The following TSC2 variants were observed in gnomAD, a reference collection of about 807,000 sequenced individuals.
TSC2 encodes tuberin.
TSC2 carries 29 observed loss-of-function variants against 202.2 expected under a neutral mutation model. The observed-to-expected ratio is 0.14, with a 90% CI of 0.11 to 0.20. The LOEUF (loss-of-function observed/expected upper bound fraction) is 0.20, where lower values mean the gene tolerates loss of function less well. TSC2 is among the 10% of genes least tolerant of loss of function. The pLI is 1.00. For synonymous variants in TSC2, 1,349 were observed against 1,044.0 expected (o/e 1.29, Z -5.63); for missense variants, 2,429 against 2,420.0 (o/e 1.00, Z -0.08).
At chr16:2,058,989 T>G in intron 10 of TSC2, 116 bp downstream of exon 10, 1 of 1,493,444 alleles carries the variant, frequency 6.7e-7, no homozygotes, top group Non-Finnish European at 9.0e-7. Flanking sequence ...TTCTAGGCCT[T>G]TCCAGGCAGT....
At chr16:2,083,545 G>T in intron 32 of TSC2, 150 bp from the exon 33 acceptor site, 1 of 1,373,284 alleles carries the variant, frequency 7.3e-7, no homozygotes, top group Non-Finnish European at 1.0e-6. Flanking sequence ...CTCCCTGCCC[G>T]CTCGGTGGAT....
In TSC2 at chr16:2,080,773, C is replaced by T. The variant is rs536870308; in HGVS notation, c.3610+396C>T. The T allele has an allele frequency of 8.2e-4, 192 of 234,528 alleles. 1 individual carries two copies. The highest frequency in any genetic ancestry group is 2.9e-3 in the African/African-American group (125 of 43,806). 14.5% of individuals were successfully genotyped at this position (234,528 alleles called of 1,614,324 possible). ...TGCTGGGATTACAGGCGTGAGCCAC[C>T]GCGCCCAGCCATTTGGGGGTAACTT... is the stretch of plus-strand genomic sequence containing the variant. On this transcript the variant is annotated intron_variant, in intron 30 of 41. Coordinates refer to ENST00000219476, the MANE Select transcript of TSC2 (RefSeq NM_000548.5).
chr16:2,065,459 C>T, intron 15 of TSC2, 60 bp from the exon 16 acceptor site: 3 of 927,250 alleles, frequency 3.2e-6, no homozygotes, highest in South Asian at 2.6e-5. Flanking sequence ...AGAAAGTGTT[C>T]TCACGGCTGC....
rs200194551 is a variant in TSC2 at position 2,081,590 on chromosome 16, C to T, written c.3611-5C>T. 32 of 1,612,868 alleles carry T rather than the reference C, an allele frequency of 2.0e-5. No individual in the cohort carries two copies. Among genetic ancestry groups the T allele is most frequent in the South Asian group, 1.2e-4 (11 of 91,080 alleles). ...CTCAGGCCAAAGGTGCTGCCGCCTC[C>T]GCAGGGAACACCAGCTGGCTGATGA... On this transcript the variant is annotated splice_region_variant and splice_polypyrimidine_tract_variant and intron_variant, in intron 30 of 41. Coordinates refer to ENST00000219476, the MANE Select transcript of TSC2 (RefSeq NM_000548.5).
chr16:2,056,249 G>A lies in TSC2; in HGVS notation c.648+5G>A, dbSNP rs2085796888. Reference sequence around the variant, plus strand: ...GCGTCCTCTGTGGACATAGAGGTCAGTGCCTCCCCTCCCCAGGGCCGGCCC... The same window carrying A: ...GCGTCCTCTGTGGACATAGAGGTCAATGCCTCCCCTCCCCAGGGCCGGCCC... On this transcript the variant is annotated splice_donor_5th_base_variant and intron_variant, in intron 7 of 41. Coordinates refer to ENST00000219476, the MANE Select transcript of TSC2 (RefSeq NM_000548.5). 1 of 1,614,018 alleles carries A rather than the reference G, an allele frequency of 6.2e-7. No homozygotes were observed. The highest frequency in any genetic ancestry group is 8.5e-7 in the Non-Finnish European group (1 of 1,180,032).
rs137853994 is a variant in TSC2, at chr16:2,053,391, A to T, written c.275A>T (p.Glu92Val). Residue 92 changes from glutamate (E) to valine (V), a missense_variant, in exon 4 of 42, where the codon GAG becomes GTG. Physicochemically the swap from Glu to Val is moderately radical, Grantham distance 121 (BLOSUM62 -2). Transcript: ENST00000219476. The part of the protein sequence containing the change: ...WKAVADLLQP[E>V]RPLEARHAVL... ...GCGGTCGCGGATCTGTTGCAGCCGG[A>T]GCGGCCGCTGGAGGCCCGGCACGCG... 1.3e-3 allele frequency: 2,003 copies of T among 1,592,736 alleles called. 1 individual carries two copies. Among genetic ancestry groups the T allele is most frequent in the Non-Finnish European group, 1.5e-3 (1,754 of 1,170,758 alleles).
At chr16:2,087,412 G>C (rs533123291) in intron 38 of TSC2, among the ~76,000 whole-genome samples, 1 of 152,094 alleles carries the variant, frequency 6.6e-6, no homozygotes, top group East Asian at 1.9e-4. Flanking sequence ...CAAAACCCCG[G>C]GGCTGGTAGT....
chr16:2,069,519 G>T (rs552150466), intron 16 of TSC2, among the ~76,000 whole-genome samples: 21 of 147,938 alleles, frequency 1.4e-4, no homozygotes, highest in Admixed American at 1.4e-3. Context: ...TTGCTCTGTC[G>T]CCCAGGCTGG....
In TSC2 at chr16:2,083,808, T is replaced by G. The variant is rs901222751; in HGVS notation, c.3997T>G (p.Tyr1333Asp). Reference sequence around the variant, plus strand: ...AGGCATGGACAGGCGCACGGATGCCTACAGCAGGGTGAGTGTGGCTCAGAG... The same window carrying G: ...AGGCATGGACAGGCGCACGGATGCCGACAGCAGGGTGAGTGTGGCTCAGAG... The part of the protein sequence containing the change: ...ALGMDRRTDA[Y>D]SRSSSVSSQE... The change falls in exon 33 of 42, where the codon TAC becomes GAC. Residue 1333 changes from tyrosine to aspartate, a missense_variant. Tyr to Asp is a radical substitution (Grantham distance 160). Coordinates refer to ENST00000219476, the MANE Select transcript of TSC2 (RefSeq NM_000548.5). 1.2e-6 allele frequency: 2 copies of G among 1,610,908 alleles called. No individual in the cohort carries two copies. Among genetic ancestry groups the G allele is most frequent in the African/African-American group, 2.7e-5 (2 of 74,906 alleles).
rs2089398808 is a variant in TSC2, at chr16:2,076,486, G to T, written c.2743-5G>T. 6.2e-7 allele frequency: 1 copy of T among 1,613,194 alleles called. No individual in the cohort carries two copies. Among genetic ancestry groups the T allele is most frequent in the Non-Finnish European group, 8.5e-7 (1 of 1,179,990 alleles). ...CTCACTGTCTGGGTGTGCTCACTCT[G>T]CCAGGGCCTGCGGTCCAATGTCCTC... On this transcript the variant is annotated splice_polypyrimidine_tract_variant and splice_region_variant and intron_variant, in intron 24 of 41. Transcript: ENST00000219476.
intron 1 of TSC2, chr16:2,048,301 C>T (rs1185716266): frequency 9.3e-7 from 1 of 1,072,924 alleles, no homozygotes; most frequent in South Asian, 1.3e-5. Context: ...AACGTCGGGG[C>T]TCCCAGGACT....
At chr16:2,057,264 G>C (rs2085984296) in intron 9 of TSC2, 86 bp downstream of exon 9, 1 of 1,471,662 alleles carries the variant, frequency 6.8e-7, no homozygotes, top group South Asian at 1.2e-5. Context: ...GCACACACTG[G>C]CTTAGAGAGT....
chr16:2,065,602 G>A lies in TSC2; in HGVS notation c.1683G>A (p.Lys561=), dbSNP rs2087238377. Reference sequence around the variant, plus strand: ...ACTCGGCCTCCTTGGAGGATGTGAAGACAGCCGTCCTGGGGCTTCTGGTCA... The same window carrying A: ...ACTCGGCCTCCTTGGAGGATGTGAAAACAGCCGTCCTGGGGCTTCTGGTCA... ...AAYSASLEDV[K]TAVLGLLVIL... The change falls in exon 16 of 42, where the codon AAG becomes AAA. Residue 561 remains lysine, a synonymous_variant. Coordinates refer to ENST00000219476, the MANE Select transcript of TSC2 (RefSeq NM_000548.5). 6.2e-7 allele frequency: 1 copy of A among 1,613,806 alleles called. No individual in the cohort carries two copies. The highest frequency in any genetic ancestry group is 8.5e-7 in the Non-Finnish European group (1 of 1,180,012).
At chr16:2,078,897 G>A in intron 26 of TSC2, 135 bp from the exon 27 acceptor site, 1 of 1,170,310 alleles carries the variant, frequency 8.5e-7, no homozygotes, top group Admixed American at 1.7e-5. Context: ...AGGCTCGCTG[G>A]GCCGCCCACG....
At position 2,055,419 on chromosome 16, in the gene TSC2, T is replaced by A; in HGVS notation, c.499T>A (p.Trp167Arg). ...EEELADFVLQWMDVGLSSEFL... is the reference protein window; with the variant it reads ...EEELADFVLQRMDVGLSSEFL... ...TCCCCCAGCTGACTTTGTCCTGCAGTGGATGGATGTTGGCTTGTCCTCGGA... is the reference window on the plus strand; with the variant it reads ...TCCCCCAGCTGACTTTGTCCTGCAGAGGATGGATGTTGGCTTGTCCTCGGA... The change falls in exon 6 of 42, where the codon TGG (tryptophan) becomes AGG (arginine). Residue 167 changes from tryptophan (W) to arginine (R), a missense_variant. Transcript: ENST00000219476. 1 of 1,614,140 alleles carries A rather than the reference T, an allele frequency of 6.2e-7. No homozygotes were observed.
In TSC2 at chr16:2,073,179, G is replaced by T. The variant is rs1411576428; in HGVS notation, c.2355+196G>T. Among the ~76,000 whole-genome samples, 3 of 152,196 alleles carry T rather than the reference G, an allele frequency of 2.0e-5. No homozygotes were observed. The East Asian group carries it at 5.8e-4, about 29-fold the overall frequency. On this transcript the variant is annotated intron_variant, in intron 21 of 41. Coordinates refer to ENST00000219476, the MANE Select transcript of TSC2 (RefSeq NM_000548.5). ...TCCCTGGTGCTTCTAGCTCTCTTTG[G>T]GGCCTGGGAGCCATCCAGTGTTCCC...
chr16:2,072,691 C>A, intron 20 of TSC2, 158 bp from the exon 21 acceptor site: 1 of 1,243,170 alleles, frequency 8.0e-7, no homozygotes, highest in Admixed American at 2.0e-5. Context: ...ACTCCCACCA[C>A]TCCGAAAGGG....
At chr16:2,085,826 A>C (rs911998253) in intron 36 of TSC2, among the ~76,000 whole-genome samples, 1 of 152,048 alleles carries the variant, frequency 6.6e-6, no homozygotes, top group Non-Finnish European at 1.5e-5. Context: ...CAGAGGGCAC[A>C]TGGCCTGACT....
chr16:2,075,816 C>T lies in TSC2; in HGVS notation c.2563C>T (p.His855Tyr), dbSNP rs2089259816. 5 of 1,612,934 alleles carry T rather than the reference C, an allele frequency of 3.1e-6. No individual in the cohort carries two copies. Among genetic ancestry groups the T allele is most frequent in the Non-Finnish European group, 3.4e-6 (4 of 1,179,990 alleles). ...TACCGCAGCTCTGGCCAGGCTGCCG[C>T]ACCTCTACAGGAACTTTGCCGCGGA... is the stretch of plus-strand genomic sequence containing the variant. ...EFLSTLARLP[H>Y]LYRNFAAEQY... is the part of the protein sequence containing the mutation. Residue 855 changes from histidine (H) to tyrosine (Y), a missense_variant, in exon 23 of 42, where the codon CAC (histidine) becomes TAC (tyrosine). Transcript: ENST00000219476.
Sources: gnomAD v4.1 joint callset for allele counts (sites outside exome capture counted in the v4.1 genomes callset) on GRCh38, gnomAD v4.1.1 for gene constraint, MANE v1.5 for transcripts, NCBI Gene and HGNC (gene_info 2026-07-23, HGNC 2026-07-21) for gene names.